Variants in MTNAP1 observed in about 807,000 individuals in gnomAD.
MTNAP1 encodes the protein mitochondrial nucleoid associated protein 1, also known as mitochondrial nucleoid-associated protein 1.
At chr17:73,247,350 T>A in the MTNAP1 span, 5 of 1,614,012 alleles carry the variant, frequency 3.1e-6, no homozygotes, top group Non-Finnish European at 4.2e-6. Context: ...AGGAAGCACG[T>A]TTAAGTAGGA....
the MTNAP1 span, among the ~76,000 whole-genome samples, chr17:73,241,192 C>A: frequency 6.6e-6 from 1 of 152,156 alleles, no homozygotes; most frequent in African/African-American, 2.4e-5. Flanking sequence ...GAGTCTTGCT[C>A]TGTTGCCCAG....
chr17:73,239,018 A>G, the MTNAP1 span, among the ~76,000 whole-genome samples: 1 of 151,782 alleles, frequency 6.6e-6, no homozygotes, highest in Admixed American at 6.6e-5. Flanking sequence ...ATCTTGGCTC[A>G]CCTCTGCCTC....
chr17:73,241,143 T>C, the MTNAP1 span, among the ~76,000 whole-genome samples: 1 of 152,174 alleles, frequency 6.6e-6, no homozygotes, highest in Non-Finnish European at 1.5e-5. Flanking sequence ...AGAAATGTGA[T>C]TAAGGAGCAT....
chr17:73,241,180 C>G, the MTNAP1 span, among the ~76,000 whole-genome samples: 1 of 151,904 alleles, frequency 6.6e-6, no homozygotes, highest in Non-Finnish European at 1.5e-5. Context: ...GTTTTTGAGG[C>G]AGAGTCTTGC....
the MTNAP1 span, chr17:73,236,659 A>C: frequency 1.2e-6 from 2 of 1,614,154 alleles, no homozygotes; most frequent in Non-Finnish European, 1.7e-6. Flanking sequence ...AGAAGCCCAG[A>C]ATCATCATTG....
chr17:73,248,793 A>G, the MTNAP1 span: 1 of 418,794 alleles, frequency 2.4e-6, no homozygotes, highest in Non-Finnish European at 4.3e-6. Context: ...TATCTGAAAG[A>G]CTGAGTTTAC....
chr17:73,239,855 A>T, the MTNAP1 span, among the ~76,000 whole-genome samples: 4 of 152,302 alleles, frequency 2.6e-5, no homozygotes, highest in African/African-American at 9.6e-5. Context: ...CCCTATGTTC[A>T]TGCAGTAAGT....
At chr17:73,239,676 G>A in the MTNAP1 span, among the ~76,000 whole-genome samples, 1 of 151,046 alleles carries the variant, frequency 6.6e-6, no homozygotes, top group East Asian at 1.9e-4. Context: ...CTGCCACCAC[G>A]CCCAGCTAAT....
the MTNAP1 span, among the ~76,000 whole-genome samples, chr17:73,243,888 C>T: frequency 6.6e-6 from 1 of 152,156 alleles, no homozygotes; most frequent in Non-Finnish European, 1.5e-5. Context: ...AACTGTTACC[C>T]TGCTCCAATG....
At chr17:73,242,276 A>G in the MTNAP1 span, 1 of 1,604,890 alleles carries the variant, frequency 6.2e-7, no homozygotes, top group Non-Finnish European at 8.5e-7. Flanking sequence ...AACTCATATA[A>G]GGAGTTTGGA....
the MTNAP1 span, chr17:73,245,081 AAG>A: frequency 7.8e-6 from 10 of 1,282,532 alleles, no homozygotes; most frequent in East Asian, 2.1e-4. Flanking sequence ...ATAAAACAAA[AAG>A]AGAATGATCT....
the MTNAP1 span, chr17:73,245,379 A>G: frequency 7.7e-7 from 1 of 1,293,168 alleles, no homozygotes; most frequent in Non-Finnish European, 9.9e-7. Context: ...ATTAATATAG[A>G]CAGATCTGGT....
chr17:73,241,701 G>A, the MTNAP1 span, among the ~76,000 whole-genome samples: 2 of 152,104 alleles, frequency 1.3e-5, no homozygotes, highest in East Asian at 3.9e-4. Flanking sequence ...AGGCTGGGGC[G>A]GGCAGAACAC....
At chr17:73,247,711 T>C in the MTNAP1 span, 1 of 173,560 alleles carries the variant, frequency 5.8e-6, no homozygotes, top group Non-Finnish European at 1.2e-5. Flanking sequence ...AAGACAGCTT[T>C]TTTGTTTGAC....
At chr17:73,236,991 A>C in the MTNAP1 span, 3 of 1,550,406 alleles carry the variant, frequency 1.9e-6, no homozygotes, top group South Asian at 1.2e-5. Flanking sequence ...AAAGACTCTC[A>C]CAAGGTAAAC....
chr17:73,243,158 G>C, the MTNAP1 span: 1 of 705,338 alleles, frequency 1.4e-6, no homozygotes. Flanking sequence ...GGGGTTTCTG[G>C]GTTTTATTTT....
chr17:73,236,927 C>G, the MTNAP1 span: 4 of 1,613,120 alleles, frequency 2.5e-6, no homozygotes, highest in Non-Finnish European at 3.4e-6. Flanking sequence ...CCAGGGAAGC[C>G]TCAGTGTTGG....
the MTNAP1 span, chr17:73,236,873 G>C: frequency 6.2e-7 from 1 of 1,613,982 alleles, no homozygotes; most frequent in African/African-American, 1.3e-5. Flanking sequence ...GGGCTGGAGT[G>C]GTTTCCAGAG....
chr17:73,240,561 A>T, the MTNAP1 span, among the ~76,000 whole-genome samples: 1 of 152,240 alleles, frequency 6.6e-6, no homozygotes, highest in Non-Finnish European at 1.5e-5. Context: ...GTCTCCAATG[A>T]CTGCAAATTA....
Sources: gnomAD v4.1 joint callset for allele counts (sites outside exome capture counted in the v4.1 genomes callset) on GRCh38, gnomAD v4.1.1 for gene constraint, MANE v1.5 for transcripts, NCBI Gene and HGNC (gene_info 2026-07-23, HGNC 2026-07-21) for gene names.